PCDHGB3: variants seen among roughly 807,000 people sequenced by gnomAD.
The protein encoded by PCDHGB3 is protocadherin gamma subfamily B, 3.
PCDHGB3 carries 40 observed loss-of-function variants against 59.2 expected under a neutral mutation model. The observed-to-expected ratio is 0.68, with a 90% CI of 0.52 to 0.88. PCDHGB3 has a LOEUF of 0.88. Among genes scored for constraint, PCDHGB3 ranks in the 40% least tolerant of loss-of-function variants. The probability of loss-of-function intolerance (pLI) is 0.00; values close to 1 mark genes in which losing one functional copy is unlikely to be tolerated. For missense variants in PCDHGB3, 1,309 were observed against 1,187.9 expected (o/e 1.10, Z -1.50); for synonymous variants, 581 against 503.6 (o/e 1.15, Z -2.06).
intron 1 of PCDHGB3, 130 bp downstream of exon 1, chr5:141,372,939 G>C (rs1026338118): frequency 3.6e-6 from 3 of 824,678 alleles, no homozygotes. Flanking sequence ...GTAGAGTAGG[G>C]TGTCTAGGAA....
At position 141,476,001 on chromosome 5, in the gene PCDHGB3, C is replaced by A. The variant is rs989369008; in HGVS notation, c.2416-18806C>A. On this transcript the variant is annotated intron_variant, in intron 1 of 3. Coordinates refer to ENST00000576222, the MANE Select transcript of PCDHGB3 (RefSeq NM_018924.5). This position sits in a 1 kb window ranked among gnomAD's most constrained non-coding sequence, Gnocchi z 7.6. ...CAGCCGGCGAGCAAATCAACGGCAT[C>A]CAGAAAGCCATGTCGGACTCGGCGC... The A allele has an allele frequency of 5.7e-5, 70 of 1,235,226 alleles. No homozygotes were observed. In the Middle Eastern group the frequency reaches 8.6e-4, roughly 15 times the overall value. The allele number at this position is 1,235,226 out of a possible 1,614,324, so 76.5% of individuals were successfully genotyped here. A position where few individuals can be genotyped will look rare whatever the true frequency, so the allele number is the denominator to read the frequency against.
chr5:141,412,664 A>G (rs959517920), intron 1 of PCDHGB3: 10 of 152,288 alleles, frequency 6.6e-5, no homozygotes, highest in African/African-American at 2.4e-4. Flanking sequence ...AGACACTAAT[A>G]TGACCTAAAA....
intron 1 of PCDHGB3, among the ~76,000 whole-genome samples, chr5:141,444,933 G>A (rs1004890599): frequency 3.3e-5 from 5 of 152,152 alleles, no homozygotes; most frequent in African/African-American, 1.2e-4. Context: ...AAAGAGGGAA[G>A]GAGGGAGGAG....
At chr5:141,474,452 G>A (rs1341193950) in intron 1 of PCDHGB3, among the ~76,000 whole-genome samples, 1 of 152,158 alleles carries the variant, frequency 6.6e-6, no homozygotes, top group Non-Finnish European at 1.5e-5. Flanking sequence ...CAAGTGATTG[G>A]GCTATACTCT....
At position 141,481,036 on chromosome 5, in the gene PCDHGB3, C is replaced by T. The variant is rs1040377549; in HGVS notation, c.2416-13771C>T. Among the ~76,000 whole-genome samples, 19 of 151,964 alleles carry T rather than the reference C, an allele frequency of 1.3e-4. 1 individual carries two copies. The highest frequency in any genetic ancestry group is 3.4e-4 in the African/African-American group (14 of 41,456). ...TCACACCACTGCACTCCAGCCTGGG[C>T]GACAGAGCGAGACTCCACCTCAAAA... is the stretch of plus-strand genomic sequence containing the variant. On this transcript the variant is annotated intron_variant, in intron 1 of 3. Transcript: ENST00000576222.
At chr5:141,422,936 C>A (rs1428873210) in intron 1 of PCDHGB3, 2 of 1,614,260 alleles carry the variant, frequency 1.2e-6, no homozygotes, top group East Asian at 4.5e-5. Flanking sequence ...GCCCTCCCCA[C>A]AGACGGCTCC....
intron 1 of PCDHGB3, chr5:141,423,852 GT>G (rs971165220): frequency 2.5e-5 from 32 of 1,279,282 alleles, no homozygotes; most frequent in Non-Finnish European, 3.0e-5. Context: ...CTTTCAGAAC[GT>G]TTTTGTGAAA....
At chr5:141,484,872 G>T in intron 1 of PCDHGB3, 1 of 319,608 alleles carries the variant, frequency 3.1e-6, no homozygotes, top group Non-Finnish European at 5.8e-6. Context: ...GGAGCGTGGA[G>T]GATAGGGTGG....
intron 1 of PCDHGB3, among the ~76,000 whole-genome samples, chr5:141,406,328 C>T (rs1235799294): frequency 1.3e-5 from 2 of 152,062 alleles, no homozygotes; most frequent in Non-Finnish European, 2.9e-5. Context: ...ATTCTTACTC[C>T]TACGATCATT....
intron 1 of PCDHGB3, chr5:141,421,778 G>C (rs756566609): frequency 6.2e-7 from 1 of 1,613,844 alleles, no homozygotes; most frequent in Non-Finnish European, 8.5e-7. Context: ...TTGCAACTGC[G>C]GGGCAGAACG....
At chr5:141,414,241 C>T in intron 1 of PCDHGB3, 1 of 1,613,472 alleles carries the variant, frequency 6.2e-7, no homozygotes, top group Non-Finnish European at 8.5e-7. Context: ...CATCACGTCT[C>T]TATTTAGTCC....
chr5:141,418,105 G>A lies in PCDHGB3; in HGVS notation c.2415+45296G>A, dbSNP rs971913143. On this transcript the variant is annotated intron_variant, in intron 1 of 3. Transcript: ENST00000576222. ...ACTTCAGCGTAGACGCGCAGAGCGG[G>A]GACTTACTTGTGAAGGACCGAATAG... 5 of 1,614,062 alleles carry A rather than the reference G, an allele frequency of 3.1e-6. No homozygotes were observed. The East Asian group carries it at 8.9e-5, about 29-fold the overall frequency.
intron 1 of PCDHGB3, chr5:141,421,935 A>G: frequency 6.2e-7 from 1 of 1,613,514 alleles, no homozygotes; most frequent in East Asian, 2.2e-5. Context: ...TCCTCGATGT[A>G]AATGATCACA....
chr5:141,425,177 GGAATTCCAAACTGA>G (rs2096860295), intron 1 of PCDHGB3, among the ~76,000 whole-genome samples: 1 of 152,036 alleles, frequency 6.6e-6, no homozygotes, highest in South Asian at 2.1e-4. Flanking sequence ...TTATACTTGT[GGAATTCCAAACTGA>G]GAAAAATGAT....
In PCDHGB3 at chr5:141,371,159, G is replaced by A; in HGVS notation, c.765G>A (p.Leu255=). ...DMYRVNVAEN[L]PAGSSVLKVM... ...ACAGGGTCAATGTTGCAGAGAACCT[G>A]CCCGCTGGCTCCTCCGTATTAAAAG... is the stretch of plus-strand genomic sequence containing the variant. Residue 255 remains leucine, a synonymous_variant, in exon 1 of 4, where the codon CTG becomes CTA. Transcript: ENST00000576222. The A allele has an allele frequency of 6.2e-7, 1 of 1,614,024 alleles. No individual in the cohort carries two copies. Among genetic ancestry groups the A allele is most frequent in the Non-Finnish European group, 8.5e-7 (1 of 1,179,900 alleles).
chr5:141,405,446 G>A, intron 1 of PCDHGB3: 1 of 1,338,140 alleles, frequency 7.5e-7, no homozygotes, highest in Non-Finnish European at 1.0e-6. Flanking sequence ...TTGAGACAGA[G>A]TCTTACTCTG....
chr5:141,387,555 A>G (rs1236867307), intron 1 of PCDHGB3: 10 of 410,246 alleles, frequency 2.4e-5, no homozygotes, highest in Non-Finnish European at 4.3e-5. Flanking sequence ...TCTTTCAGTT[A>G]GGCACACAAT....
chr5:141,400,674 T>A, intron 1 of PCDHGB3: 1 of 917,906 alleles, frequency 1.1e-6, no homozygotes, highest in Non-Finnish European at 1.7e-6. Flanking sequence ...AGAGGAGCAG[T>A]AAATTGTGAG....
chr5:141,399,109 A>G (rs1346301996), intron 1 of PCDHGB3: 4 of 1,613,714 alleles, frequency 2.5e-6, no homozygotes, highest in Admixed American at 3.3e-5. Context: ...TGCACAATGT[A>G]CAGTTGAAAT....
Sources: allele counts gnomAD v4.1 joint callset (sites outside exome capture counted in the v4.1 genomes callset), GRCh38; gene constraint gnomAD v4.1.1; non-coding constraint Gnocchi (gnomAD v3.1); transcripts MANE v1.5; gene names NCBI Gene and HGNC (gene_info 2026-07-23, HGNC 2026-07-21).